The following DLG2 variants were observed in gnomAD, a reference collection of about 807,000 sequenced individuals.
The protein encoded by DLG2 is disks large homolog 2.
DLG2 carries 45 observed loss-of-function variants against 132.5 expected under a neutral mutation model. That is an observed-to-expected ratio of 0.34 (90% CI 0.27 to 0.44). DLG2 has a LOEUF of 0.44. Ranked by LOEUF, DLG2 falls within the 20% of genes least tolerant of loss-of-function variation. The pLI is 1.00. For synonymous variants in DLG2, 424 were observed against 419.6 expected, an observed-to-expected ratio of 1.01 and a Z score of -0.13; for missense variants, 1,045 against 1,196.9, an observed-to-expected ratio of 0.87 and a Z score of 1.87.
chr11:83,510,830 G>GT (rs566973328), intron 21 of DLG2, among the ~76,000 whole-genome samples: 6,564 of 88,682 alleles, frequency 0.074, 426 homozygotes, highest in African/African-American at 0.16. Context: ...TGAACCATCC[G>GT]TTTTTTTTTT....
intron 3 of DLG2, among the ~76,000 whole-genome samples, chr11:85,355,005 T>C (rs2083584004): frequency 6.6e-6 from 1 of 152,192 alleles, no homozygotes; most frequent in Non-Finnish European, 1.5e-5. Flanking sequence ...TGTGACATCA[T>C]GCTATTTTGT....
intron 2 of DLG2, among the ~76,000 whole-genome samples, chr11:85,621,247 A>G (rs2081676770): frequency 6.6e-6 from 1 of 152,018 alleles, no homozygotes; most frequent in Non-Finnish European, 1.5e-5. Flanking sequence ...CTTTCCAAAT[A>G]TTACTACTCA....
chr11:84,373,266 A>AAAAAAAAAAAAAAAAAAC (rs2098715579), intron 7 of DLG2, among the ~76,000 whole-genome samples: 1 of 45,196 alleles, frequency 2.2e-5, no homozygotes, highest in African/African-American at 6.7e-5. Context: ...AAAAAAAAAC[A>AAAAAAAAAAAAAAAAAAC]AAACAAAAAA....
At chr11:85,569,286 C>T (rs2077713638) in intron 3 of DLG2, among the ~76,000 whole-genome samples, 1 of 152,186 alleles carries the variant, frequency 6.6e-6, no homozygotes, top group Non-Finnish European at 1.5e-5. Flanking sequence ...CCCTACTCGG[C>T]TTCTCAAAGT....
At chr11:85,314,079 T>G (rs1483011679) in intron 3 of DLG2, among the ~76,000 whole-genome samples, 1 of 151,990 alleles carries the variant, frequency 6.6e-6, no homozygotes, top group African/African-American at 2.4e-5. Context: ...CTTCTAAATT[T>G]TAGTGGACTG....
intron 5 of DLG2, among the ~76,000 whole-genome samples, chr11:85,124,979 C>T (rs569227173): frequency 1.1e-4 from 17 of 152,116 alleles, no homozygotes; most frequent in East Asian, 9.7e-4. Context: ...TACAGGCATC[C>T]GCCACCATGC....
intron 3 of DLG2, among the ~76,000 whole-genome samples, chr11:85,415,475 G>A (rs886586818): frequency 1.2e-4 from 18 of 151,958 alleles, no homozygotes; most frequent in African/African-American, 2.9e-4. Flanking sequence ...CACTCCCAAC[G>A]ACAGTGTAAA....
intron 6 of DLG2, among the ~76,000 whole-genome samples, chr11:85,069,936 A>T (rs937548655): frequency 1.1e-4 from 17 of 152,256 alleles, no homozygotes; most frequent in African/African-American, 3.8e-4. Flanking sequence ...GGATTAAGAA[A>T]ATGTGGCACA....
intron 6 of DLG2, among the ~76,000 whole-genome samples, chr11:84,730,832 A>C (rs1475521533): frequency 6.6e-6 from 1 of 152,064 alleles, no homozygotes; most frequent in Non-Finnish European, 1.5e-5. Flanking sequence ...CAGCAAGTTG[A>C]ATGATTACTC....
chr11:85,094,344 C>T (rs1430633956), intron 6 of DLG2, among the ~76,000 whole-genome samples: 3 of 152,212 alleles, frequency 2.0e-5, no homozygotes, highest in South Asian at 2.1e-4. Flanking sequence ...AAGTTCCTAA[C>T]AAGAGAGTCA....
At chr11:85,514,962 G>A (rs1565618399) in intron 3 of DLG2, among the ~76,000 whole-genome samples, 1 of 151,832 alleles carries the variant, frequency 6.6e-6, no homozygotes, top group Non-Finnish European at 1.5e-5. Context: ...GAATTACTTG[G>A]AGGATTTCTG....
intron 21 of DLG2, among the ~76,000 whole-genome samples, chr11:83,519,365 C>T (rs74592403): frequency 1.3e-5 from 2 of 152,100 alleles, no homozygotes; most frequent in Non-Finnish European, 2.9e-5. Flanking sequence ...TTTATTGTTA[C>T]AATATACCAC....
intron 6 of DLG2, among the ~76,000 whole-genome samples, chr11:84,586,203 A>C (rs894543062): frequency 4.0e-5 from 6 of 150,982 alleles, no homozygotes; most frequent in African/African-American, 1.5e-4. Context: ...TGGTGGATTT[A>C]TTACTTTCTC....
chr11:84,917,826 G>A (rs996121658), intron 6 of DLG2, among the ~76,000 whole-genome samples: 1 of 152,014 alleles, frequency 6.6e-6, no homozygotes, highest in East Asian at 1.9e-4. Flanking sequence ...TGTCCAAATG[G>A]CTCACAACCA....
chr11:84,161,796 A>G (rs1361872811), intron 9 of DLG2, among the ~76,000 whole-genome samples: 1 of 152,196 alleles, frequency 6.6e-6, no homozygotes, highest in East Asian at 1.9e-4. Flanking sequence ...ACTGCACTCC[A>G]TAAATCATAT....
rs1048536250 is a variant in DLG2 at position 83,665,503 on chromosome 11, T to G, written c.1826-32178A>C. Among the ~76,000 whole-genome samples, 5 of 152,210 alleles carry G rather than the reference T, an allele frequency of 3.3e-5. No homozygotes were observed. In the East Asian group the frequency reaches 9.6e-4, roughly 29 times the overall value. The stretch of plus-strand genomic sequence containing the variant: ...TATACTTTCTAAATATTAGATTATC[T>G]CTTATGTACTCTCCCTCTGCAGGGA... On this transcript the variant is annotated intron_variant, in intron 18 of 27. Coordinates refer to ENST00000376104, the MANE Select transcript of DLG2 (RefSeq NM_001142699.3).
intron 6 of DLG2, among the ~76,000 whole-genome samples, chr11:84,744,421 T>C (rs966856454): frequency 2.6e-5 from 4 of 152,162 alleles, no homozygotes; most frequent in African/African-American, 9.7e-5. Context: ...AATTTCTGCA[T>C]GAAAGAAAAT....
At chr11:84,771,456 G>A (rs767171604) in intron 6 of DLG2, among the ~76,000 whole-genome samples, 12 of 152,050 alleles carry the variant, frequency 7.9e-5, no homozygotes, top group Non-Finnish European at 1.6e-4. Flanking sequence ...CACTTTTAAT[G>A]GGGTTGTTTT....
chr11:84,035,556 A>C (rs1384904836), intron 11 of DLG2, among the ~76,000 whole-genome samples: 1 of 152,202 alleles, frequency 6.6e-6, no homozygotes, highest in Non-Finnish European at 1.5e-5. Context: ...TTGAAGGTGC[A>C]TGGGCAAGGG....
Sources: allele counts gnomAD v4.1 joint callset (sites outside exome capture counted in the v4.1 genomes callset), GRCh38; gene constraint gnomAD v4.1.1; transcripts MANE v1.5; gene names NCBI Gene and HGNC (gene_info 2026-07-23, HGNC 2026-07-21).